The following FRMPD2 variants were observed in gnomAD, a reference collection of about 807,000 sequenced individuals.
FRMPD2 encodes the protein FERM and PDZ domain containing 2, also known as FERM and PDZ domain-containing protein 2.
FRMPD2 carries 96 observed loss-of-function variants against 140.1 expected under a neutral mutation model. That is an observed-to-expected ratio of 0.69 (90% CI 0.58 to 0.81). The LOEUF (loss-of-function observed/expected upper bound fraction) is 0.81, where lower values mean the gene tolerates loss of function less well. Among genes scored for constraint, FRMPD2 ranks in the 40% least tolerant of loss-of-function variants. FRMPD2 has a pLI of 0.00. For missense variants in FRMPD2, 1,240 were observed against 1,447.4 expected (o/e 0.86, Z 2.32); for synonymous variants, 449 against 547.6 (o/e 0.82, Z 2.52).
intron 14 of FRMPD2, among the ~76,000 whole-genome samples, chr10:48,202,560 T>G (rs1229083178): frequency 6.6e-6 from 1 of 152,244 alleles, no homozygotes; most frequent in Non-Finnish European, 1.5e-5. Flanking sequence ...CTGAATCCAA[T>G]TGAACTGTAC....
intron 12 of FRMPD2, 86 bp from the exon 13 acceptor site, chr10:48,212,195 CA>C: frequency 7.3e-7 from 1 of 1,368,460 alleles, no homozygotes; most frequent in South Asian, 1.3e-5. Flanking sequence ...TCTGTAGTCA[CA>C]ATTCCAGGAG....
chr10:48,184,150 C>G (rs919214418), intron 20 of FRMPD2, among the ~76,000 whole-genome samples: 3 of 151,290 alleles, frequency 2.0e-5, no homozygotes, highest in African/African-American at 7.3e-5. Context: ...TGTCTCCTCC[C>G]CAGCTGATTG....
At chr10:48,202,164 T>C (rs1839101329) in intron 14 of FRMPD2, among the ~76,000 whole-genome samples, 1 of 152,146 alleles carries the variant, frequency 6.6e-6, no homozygotes. Flanking sequence ...CAATAAAATA[T>C]ATAGGTGATA....
chr10:48,260,776 A>T (rs1840575127), intron 1 of FRMPD2, among the ~76,000 whole-genome samples: 1 of 152,216 alleles, frequency 6.6e-6, no homozygotes, highest in African/African-American at 2.4e-5. Flanking sequence ...CAAAAAACTC[A>T]GTTTAAAGAG....
At chr10:48,200,050 C>T (rs1588825275) in intron 15 of FRMPD2, among the ~76,000 whole-genome samples, 2 of 151,956 alleles carry the variant, frequency 1.3e-5, no homozygotes, top group Non-Finnish European at 2.9e-5. Flanking sequence ...AGAAACAAAC[C>T]TTTGCTGTAT....
At chr10:48,240,515 A>G in intron 5 of FRMPD2, 23 bp from the exon 6 acceptor site, 1 of 1,612,984 alleles carries the variant, frequency 6.2e-7, no homozygotes, top group African/African-American at 1.3e-5. Flanking sequence ...TGCATCACAC[A>G]TCCACATCCC....
intron 4 of FRMPD2, among the ~76,000 whole-genome samples, chr10:48,242,741 A>C (rs191677041): frequency 6.6e-6 from 1 of 152,234 alleles, no homozygotes; most frequent in Non-Finnish European, 1.5e-5. Context: ...GTATCCAATC[A>C]CTCAGGGGGT....
intron 4 of FRMPD2, among the ~76,000 whole-genome samples, chr10:48,244,338 A>G (rs1840195406): frequency 6.6e-6 from 1 of 152,222 alleles, no homozygotes; most frequent in South Asian, 2.1e-4. Flanking sequence ...TTAAAAAATG[A>G]CTCTAAAAAA....
At chr10:48,227,432 G>A in intron 10 of FRMPD2, among the ~76,000 whole-genome samples, 1 of 152,214 alleles carries the variant, frequency 6.6e-6, no homozygotes, top group Non-Finnish European at 1.5e-5. Context: ...GAAACATGAA[G>A]CATCTCCTTG....
chr10:48,184,975 C>A, intron 18 of FRMPD2, 94 bp from the exon 19 acceptor site: 1 of 829,902 alleles, frequency 1.2e-6, no homozygotes. Flanking sequence ...ACACAGCTAC[C>A]AAGTGGCATT....
At chr10:48,181,961 G>A (rs1362708296) in intron 20 of FRMPD2, among the ~76,000 whole-genome samples, 1 of 148,996 alleles carries the variant, frequency 6.7e-6, no homozygotes, top group Non-Finnish European at 1.5e-5. Flanking sequence ...TGTATCTACT[G>A]TTAACATGTT....
At position 48,223,284 on chromosome 10, in the gene FRMPD2, A is replaced by T; in HGVS notation, c.1169-14T>A. 6.2e-7 allele frequency: 1 copy of T among 1,608,080 alleles called. No individual in the cohort carries two copies. The highest frequency in any genetic ancestry group is 1.7e-5 in the Admixed American group (1 of 59,832). Reference sequence around the variant, plus strand: ...AGAACTCTTTGCCTGAAATGGAAATAGAGCATGTGTGGAAGGAGAAGCAGT... The same window carrying T: ...AGAACTCTTTGCCTGAAATGGAAATTGAGCATGTGTGGAAGGAGAAGCAGT... On this transcript the variant is annotated splice_polypyrimidine_tract_variant and intron_variant, in intron 10 of 28. Coordinates refer to ENST00000374201, the MANE Select transcript of FRMPD2 (RefSeq NM_001018071.4).
Position 48,242,297 on chromosome 10 carries a change from T to C in FRMPD2, c.431A>G (p.Gln144Arg). The C allele has an allele frequency of 6.2e-7, 1 of 1,614,160 alleles. No individual in the cohort carries two copies. The highest frequency in any genetic ancestry group is 1.1e-5 in the South Asian group (1 of 91,082). ...CTGCAACGTGCACCGCCTGTGAGGC[T>C]GGTCTTCACACATGGTCAGCAGGAT... is the stretch of plus-strand genomic sequence containing the variant. Reference protein sequence around the residue: ...HSILLTMCEDQPHRRCTLQSV... With the variant: ...HSILLTMCEDRPHRRCTLQSV... Residue 144 changes from glutamine to arginine, a missense_variant, in exon 5 of 29, where the codon CAG (glutamine) becomes CGG (arginine). Coordinates refer to ENST00000374201, the MANE Select transcript of FRMPD2 (RefSeq NM_001018071.4).
At chr10:48,262,956 C>T (rs554310538) in intron 1 of FRMPD2, among the ~76,000 whole-genome samples, 6 of 151,688 alleles carry the variant, frequency 4.0e-5, no homozygotes, top group Non-Finnish European at 5.9e-5. Context: ...TATGATTTCT[C>T]TCATGGAGAT....
rs141542192 is a variant in FRMPD2, at chr10:48,193,847, C to T, written c.1955-953G>A. On this transcript the variant is annotated intron_variant, in intron 15 of 28. Coordinates refer to ENST00000374201, the MANE Select transcript of FRMPD2 (RefSeq NM_001018071.4). Reference sequence around the variant, plus strand: ...CATATATTTCTTCAAACAGACCCCCCTCTCTTCTCTACAATGGTGTCTGGT... The same window carrying T: ...CATATATTTCTTCAAACAGACCCCCTTCTCTTCTCTACAATGGTGTCTGGT... 2.2e-3 allele frequency among the ~76,000 whole-genome samples: 341 copies of T among 152,256 alleles called. 1 individual carries two copies. The highest frequency in any genetic ancestry group is 7.7e-3 in the African/African-American group (321 of 41,552).
chr10:48,209,079 C>T (rs1263115021), intron 13 of FRMPD2, among the ~76,000 whole-genome samples: 3 of 152,110 alleles, frequency 2.0e-5, no homozygotes. Flanking sequence ...GAAACCAGCT[C>T]CTGGCAGTAA....
In FRMPD2 at chr10:48,189,991, G is replaced by T. The variant is rs187430462; in HGVS notation, c.2165+2693C>A. On this transcript the variant is annotated intron_variant, in intron 16 of 28. Coordinates refer to ENST00000374201, the MANE Select transcript of FRMPD2 (RefSeq NM_001018071.4). The stretch of plus-strand genomic sequence containing the variant: ...TGAGGAAACTGAGGCCTGGGGTGTT[G>T]AATAACTTCATTGAGGTCACACAGC... Among the ~76,000 whole-genome samples, 5 of 152,282 alleles carry T rather than the reference G, an allele frequency of 3.3e-5. No homozygotes were observed. In the East Asian group the frequency reaches 7.7e-4, roughly 23 times the overall value.
At chr10:48,272,728 G>T (rs1487612753) in intron 1 of FRMPD2, among the ~76,000 whole-genome samples, 1 of 152,218 alleles carries the variant, frequency 6.6e-6, no homozygotes, top group Non-Finnish European at 1.5e-5. Flanking sequence ...AAACCTAAAA[G>T]TGTGTCGCGT....
Position 48,212,109 on chromosome 10 carries a change from G to A in FRMPD2, c.1456C>T (p.Gln486Ter). ...TGAAAGTATGGCTTACTCTCCACCTGCTGGAAGTAAGATGTAGAAGGGAAG... is the reference window on the plus strand; with the variant it reads ...TGAAAGTATGGCTTACTCTCCACCTACTGGAAGTAAGATGTAGAAGGGAAG... ...QAEFGNYPKEQVESKPYFHVE... is the reference protein window; with the variant it reads ...QAEFGNYPKE Residue 486 changes from glutamine to a stop codon, truncating the protein, a stop_gained and splice_region_variant, in exon 13 of 29, where the codon CAG (glutamine) becomes TAG (stop). Coordinates refer to ENST00000374201, the MANE Select transcript of FRMPD2 (RefSeq NM_001018071.4). LOFTEE classifies it high-confidence loss of function. 6.2e-7 allele frequency: 1 copy of A among 1,613,798 alleles called. No homozygotes were observed. The highest frequency in any genetic ancestry group is 8.5e-7 in the Non-Finnish European group (1 of 1,179,832).
Sources: allele counts gnomAD v4.1 joint callset (sites outside exome capture counted in the v4.1 genomes callset), GRCh38; gene constraint gnomAD v4.1.1; transcripts MANE v1.5; gene names NCBI Gene and HGNC (gene_info 2026-07-23, HGNC 2026-07-21).